Variants in GHR observed in about 807,000 individuals in gnomAD.
The protein encoded by GHR is GH receptor.
Under a neutral mutation model 67.1 loss-of-function variants are expected in GHR, and 35 were observed. The ratio of observed to expected loss-of-function variants is 0.52; its 90% CI spans 0.40 to 0.69. The LOEUF (loss-of-function observed/expected upper bound fraction) is 0.69. Ranked by LOEUF, GHR falls within the 30% of genes least tolerant of loss-of-function variation. The pLI, the probability that GHR is intolerant of heterozygous loss-of-function variation, is 0.00. For synonymous variants in GHR, 272 were observed against 269.1 expected, an observed-to-expected ratio of 1.01 and a Z score of -0.10; for missense variants, 792 against 764.6, an observed-to-expected ratio of 1.04 and a Z score of -0.42.
rs137975053 is a variant in GHR at position 42,515,618 on chromosome 5, C to T, written c.-11-50246C>T. On this transcript the variant is annotated intron_variant, in intron 1 of 9. Transcript: ENST00000230882. ...CCAATTTTATTCTGTTGGATTTAGT[C>T]TATAACCCGCTGAAAATCATTCTTG... 4.5e-3 allele frequency among the ~76,000 whole-genome samples: 691 copies of T among 152,310 alleles called. 14 individuals are homozygous for T. Among genetic ancestry groups the T allele is most frequent in the Non-Finnish European group, 2.7e-3 (185 of 68,016 alleles).
intron 1 of GHR, among the ~76,000 whole-genome samples, chr5:42,483,338 C>T (rs752925377): frequency 7.2e-5 from 11 of 152,158 alleles, no homozygotes; most frequent in Admixed American, 2.6e-4. Context: ...AGGTATGAGC[C>T]TCCATGGCTG....
chr5:42,430,607 C>CGTGTGTGTGTGTGTGTGTGTGT (rs141602161), intron 1 of GHR, among the ~76,000 whole-genome samples: 3 of 147,408 alleles, frequency 2.0e-5, no homozygotes, highest in African/African-American at 7.5e-5. Flanking sequence ...ATGCTAGTCC[C>CGTGTGTGTGTGTGTGTGTGTGT]GTGTGTGTGT....
Position 42,614,937 on chromosome 5 carries a change from A to T in GHR, c.71-14101A>T, listed in dbSNP as rs146394323. ...AAGAAAAAGACTATGAAAGATTTTT[A>T]AAATGTTTATCCCTGTGTAAGATCT... On this transcript the variant is annotated intron_variant, in intron 2 of 9. Coordinates refer to ENST00000230882, the MANE Select transcript of GHR (RefSeq NM_000163.5). Among the ~76,000 whole-genome samples the T allele has an allele frequency of 4.7e-3, 709 of 152,178 alleles. 4 individuals are homozygous for T. The highest frequency in any genetic ancestry group is 0.016 in the African/African-American group (682 of 41,550).
intron 4 of GHR, among the ~76,000 whole-genome samples, chr5:42,693,003 A>AT (rs1757492668): frequency 6.6e-6 from 1 of 152,046 alleles, no homozygotes; most frequent in South Asian, 2.1e-4. Flanking sequence ...CCTATTCCTA[A>AT]TTTTTTTAAC....
intron 3 of GHR, among the ~76,000 whole-genome samples, chr5:42,667,073 C>T (rs922457582): frequency 1.3e-5 from 2 of 152,144 alleles, no homozygotes; most frequent in African/African-American, 4.8e-5. Flanking sequence ...CACTAACTTC[C>T]ATGACTACCA....
At chr5:42,570,422 T>C (rs1750225187) in intron 2 of GHR, among the ~76,000 whole-genome samples, 1 of 152,348 alleles carries the variant, frequency 6.6e-6, no homozygotes, top group Non-Finnish European at 1.5e-5. Context: ...TGGATTAATC[T>C]AGATGGTGCC....
intron 1 of GHR, among the ~76,000 whole-genome samples, chr5:42,459,669 AAG>A (rs1378255882): frequency 6.7e-6 from 1 of 149,452 alleles, no homozygotes; most frequent in Admixed American, 6.7e-5. Flanking sequence ...TAAAAGTTAA[AAG>A]AAAAAAAAAT....
chr5:42,667,984 C>G (rs1756077590), intron 3 of GHR, among the ~76,000 whole-genome samples: 1 of 152,134 alleles, frequency 6.6e-6, no homozygotes, highest in African/African-American at 2.4e-5. Flanking sequence ...TTAGCTACTT[C>G]TCTATCTGCT....
chr5:42,456,177 G>A (rs551229994), intron 1 of GHR, among the ~76,000 whole-genome samples: 2 of 152,272 alleles, frequency 1.3e-5, no homozygotes, highest in Admixed American at 6.5e-5. Flanking sequence ...TGGGTGTGGT[G>A]GTACACACCT....
intron 1 of GHR, among the ~76,000 whole-genome samples, chr5:42,548,840 A>G (rs753418074): frequency 1.9e-4 from 29 of 152,214 alleles, no homozygotes; most frequent in Admixed American, 3.3e-4. Flanking sequence ...GGTCACCATC[A>G]AGATATAATT....
intron 6 of GHR, among the ~76,000 whole-genome samples, chr5:42,703,763 AATTT>A (rs528783498): frequency 1.8e-4 from 28 of 151,678 alleles, no homozygotes; most frequent in African/African-American, 6.8e-4. Context: ...TTTTTGTTTA[AATTT>A]ATTTCTAGGT....
intron 1 of GHR, among the ~76,000 whole-genome samples, chr5:42,434,042 T>C (rs1743216541): frequency 6.6e-6 from 1 of 152,166 alleles, no homozygotes; most frequent in African/African-American, 2.4e-5. Flanking sequence ...CTGAACATTA[T>C]GTAAATTCAG....
intron 3 of GHR, among the ~76,000 whole-genome samples, chr5:42,678,528 A>T (rs985922510): frequency 6.6e-6 from 1 of 152,140 alleles, no homozygotes; most frequent in African/African-American, 2.4e-5. Flanking sequence ...ACGTTAAATG[A>T]TGTTTAACAG....
intron 1 of GHR, among the ~76,000 whole-genome samples, chr5:42,527,656 A>G (rs537884061): frequency 7.9e-5 from 12 of 152,324 alleles, no homozygotes; most frequent in East Asian, 3.9e-4. Flanking sequence ...ATCAAGGCAG[A>G]AAATTAACAA....
At chr5:42,572,507 T>G (rs192647109) in intron 2 of GHR, among the ~76,000 whole-genome samples, 45 of 152,334 alleles carry the variant, frequency 3.0e-4, no homozygotes, top group Admixed American at 1.9e-3. Flanking sequence ...CTTTGAAATC[T>G]GATGCAATTG....
chr5:42,515,495 G>A (rs1328082090), intron 1 of GHR, among the ~76,000 whole-genome samples: 1 of 152,210 alleles, frequency 6.6e-6, no homozygotes, highest in Non-Finnish European at 1.5e-5. Context: ...AGGCACCAAG[G>A]TGTTGTTCTA....
intron 1 of GHR, among the ~76,000 whole-genome samples, chr5:42,427,159 T>C (rs191273783): frequency 1.3e-5 from 2 of 152,352 alleles, no homozygotes; most frequent in East Asian, 3.9e-4. Context: ...CACCCTCCTC[T>C]GCCTTGAACA....
At chr5:42,640,790 T>C (rs1036482417) in intron 3 of GHR, among the ~76,000 whole-genome samples, 1 of 150,692 alleles carries the variant, frequency 6.6e-6, no homozygotes, top group African/African-American at 2.5e-5. Context: ...GTGTATCTTT[T>C]AATTGCCATG....
intron 3 of GHR, among the ~76,000 whole-genome samples, chr5:42,644,645 TG>T (rs1754639109): frequency 6.6e-6 from 1 of 152,128 alleles, no homozygotes; most frequent in Non-Finnish European, 1.5e-5. Flanking sequence ...GATGTTGGTA[TG>T]TTTTTTTAAA....
Sources: allele counts gnomAD v4.1 joint callset (sites outside exome capture counted in the v4.1 genomes callset), GRCh38; gene constraint gnomAD v4.1.1; transcripts MANE v1.5; gene names NCBI Gene and HGNC (gene_info 2026-07-23, HGNC 2026-07-21).